Variants in CAPN3 observed in about 807,000 individuals in gnomAD.
CAPN3 encodes calpain 3, also known as calpain-3.
In CAPN3, 88 loss-of-function variants were observed where a neutral mutation model predicts 114.0. That is an observed-to-expected ratio of 0.77 (90% CI 0.65 to 0.92). The LOEUF is 0.92. Ranked by LOEUF, CAPN3 falls within the 40% of genes least tolerant of loss-of-function variation. CAPN3 has a pLI of 0.00. For missense variants in CAPN3, 1,028 were observed against 1,069.0 expected, an observed-to-expected ratio of 0.96 and a Z score of 0.53; for synonymous variants, 386 against 382.9, an observed-to-expected ratio of 1.01 and a Z score of -0.09.
At chr15:42,380,964 C>T (rs991197839) in intron 1 of CAPN3, among the ~76,000 whole-genome samples, 3 of 151,636 alleles carry the variant, frequency 2.0e-5, no homozygotes, top group East Asian at 3.9e-4. Flanking sequence ...TTCCAGTATA[C>T]GTTTTCAACC....
At chr15:42,364,029 T>C (rs115457669) in intron 1 of CAPN3, among the ~76,000 whole-genome samples, 2,534 of 152,306 alleles carry the variant, frequency 0.017, 72 homozygotes, top group African/African-American at 0.059. Flanking sequence ...CTTTATTGGC[T>C]CAAAACTCAT....
intron 6 of CAPN3, among the ~76,000 whole-genome samples, chr15:42,390,339 C>T (rs540443306): frequency 5.3e-5 from 8 of 152,210 alleles, no homozygotes; most frequent in Non-Finnish European, 1.0e-4. Flanking sequence ...CAGTTCCTCT[C>T]ATAACGAACT....
Position 42,399,569 on chromosome 15 carries a change from A to T in CAPN3, c.1271A>T (p.Asp424Val). The T allele has an allele frequency of 3.7e-6, 6 of 1,614,034 alleles. No homozygotes were observed. The highest frequency in any genetic ancestry group is 1.7e-4 in the Middle Eastern group (1 of 6,044). The change falls in exon 10 of 24, where the codon GAC (aspartate) becomes GTC (valine). Residue 424 changes from aspartate to valine, a missense_variant. Transcript: ENST00000397163. ...CTCACGGCCGATGCTCTGCAGTCTGACAAGCTTCAGACCTGGACAGTGTCT... is the reference window on the plus strand; with the variant it reads ...CTCACGGCCGATGCTCTGCAGTCTGTCAAGCTTCAGACCTGGACAGTGTCT... ...CNLTADALQSDKLQTWTVSVN... is the reference protein window; with the variant it reads ...CNLTADALQSVKLQTWTVSVN...
chr15:42,367,326 G>A (rs1381304721), intron 1 of CAPN3, among the ~76,000 whole-genome samples: 1 of 152,142 alleles, frequency 6.6e-6, no homozygotes, highest in Non-Finnish European at 1.5e-5. Flanking sequence ...GTGGGAGTGA[G>A]GAGGCTCTGC....
At chr15:42,398,356 G>A (rs991695228) in intron 9 of CAPN3, among the ~76,000 whole-genome samples, 12 of 151,886 alleles carry the variant, frequency 7.9e-5, no homozygotes, top group Non-Finnish European at 1.3e-4. Flanking sequence ...AGGCTGAGGC[G>A]GGCAGATCAC....
chr15:42,392,812 C>T (rs2053596561), intron 7 of CAPN3, 90 bp downstream of exon 7: 2 of 953,126 alleles, frequency 2.1e-6, no homozygotes, highest in Non-Finnish European at 3.3e-6. Context: ...CCTTCCCTGT[C>T]TGCAGAGCTT....
Position 42,409,372 on chromosome 15 carries a change from G to A in CAPN3, c.1984G>A (p.Ala662Thr). The change falls in exon 17 of 24, where the codon GCA becomes ACA. Residue 662 changes from alanine (A) to threonine (T), a missense_variant. Ala to Thr is a moderately conservative substitution (Grantham distance 58). Coordinates refer to ENST00000397163, the MANE Select transcript of CAPN3 (RefSeq NM_000070.3). Reference sequence around the variant, plus strand: ...ATTCCGGAACATTTTCAAGCAGATAGCAGGAGATGTGAGTACCTCCAAGCC... The same window carrying A: ...ATTCCGGAACATTTTCAAGCAGATAACAGGAGATGTGAGTACCTCCAAGCC... ...QQFRNIFKQI[A>T]GDDMEICADE... 1.9e-6 allele frequency: 3 copies of A among 1,614,128 alleles called. No homozygotes were observed. Among genetic ancestry groups the A allele is most frequent in the South Asian group, 1.1e-5 (1 of 91,076 alleles).
chr15:42,398,317 G>T (rs2053759038), intron 9 of CAPN3, among the ~76,000 whole-genome samples: 1 of 152,024 alleles, frequency 6.6e-6, no homozygotes. Context: ...GGGCGTGGTG[G>T]CTTATGCCTG....
Position 42,403,063 on chromosome 15 carries a change from T to C in CAPN3, c.1745+61T>C. 5.6e-6 allele frequency: 8 copies of C among 1,437,388 alleles called. No homozygotes were observed. The South Asian group carries it at 8.0e-5, about 14-fold the overall frequency. The allele number at this position is 1,437,388 out of a possible 1,614,324, so 89.0% of individuals were successfully genotyped here. On this transcript the variant is annotated intron_variant, in intron 13 of 23. Coordinates refer to ENST00000397163, the MANE Select transcript of CAPN3 (RefSeq NM_000070.3). ...AAGCTCACATGGCCCACTCCAGAGGTTGAAGGCATGAGGCAGCTAGACACG... is the reference window on the plus strand; with the variant it reads ...AAGCTCACATGGCCCACTCCAGAGGCTGAAGGCATGAGGCAGCTAGACACG...
At chr15:42,363,681 A>G (rs1469051918) in intron 1 of CAPN3, among the ~76,000 whole-genome samples, 1 of 152,234 alleles carries the variant, frequency 6.6e-6, no homozygotes, top group East Asian at 1.9e-4. Flanking sequence ...TGTGTGGTTA[A>G]CAGTAAAGAT....
At chr15:42,384,683 G>A (rs748303852) in intron 2 of CAPN3, 131 bp downstream of exon 2, 7 of 732,500 alleles carry the variant, frequency 9.6e-6, no homozygotes, top group Non-Finnish European at 1.7e-5. Flanking sequence ...TTTTATAACA[G>A]TTGCTTTATG....
chr15:42,401,926 C>T, intron 11 of CAPN3, 116 bp downstream of exon 11: 5 of 1,344,994 alleles, frequency 3.7e-6, no homozygotes, highest in Non-Finnish European at 5.2e-6. Flanking sequence ...CACAGAGCTC[C>T]TGGTATCAGG....
chr15:42,397,366 G>A (rs2141187551), intron 9 of CAPN3, among the ~76,000 whole-genome samples: 1 of 152,288 alleles, frequency 6.6e-6, no homozygotes. Context: ...CTTAAGCCGG[G>A]CGCGGTGGCT....
chr15:42,368,189 GA>G (rs1341465682), intron 1 of CAPN3, among the ~76,000 whole-genome samples: 1 of 152,198 alleles, frequency 6.6e-6, no homozygotes, highest in Admixed American at 6.5e-5. Context: ...ACAGAGCTGT[GA>G]AAAATCTGAG....
intron 1 of CAPN3, among the ~76,000 whole-genome samples, chr15:42,381,028 TAACAGAG>T (rs1196322688): frequency 6.6e-6 from 1 of 152,144 alleles, no homozygotes; most frequent in Non-Finnish European, 1.5e-5. Context: ...AGGTACTTTA[TAACAGAG>T]AACAAAGTAT....
At chr15:42,386,589 A>G (rs1193143486) in intron 3 of CAPN3, among the ~76,000 whole-genome samples, 5 of 152,110 alleles carry the variant, frequency 3.3e-5, no homozygotes, top group African/African-American at 7.2e-5. Context: ...GCCCTTCTCA[A>G]GTAGGTCCCT....
chr15:42,361,718 C>CAT (rs1799231625), intron 1 of CAPN3, among the ~76,000 whole-genome samples: 1 of 152,194 alleles, frequency 6.6e-6, no homozygotes, highest in Non-Finnish European at 1.5e-5. Flanking sequence ...TTAGCCAAGC[C>CAT]ATAGGCCCTT....
Position 42,409,350 on chromosome 15 carries a change from C to A in CAPN3, c.1962C>A (p.Phe654Leu). The change falls in exon 17 of 24, where the codon TTC becomes TTA. Residue 654 changes from phenylalanine (F) to leucine (L), a missense_variant. Phe to Leu is a conservative substitution (Grantham distance 22, BLOSUM62 0). Transcript: ENST00000397163. ...AGGAAAGTGAGGAACAGCAACAATT[C>A]CGGAACATTTTCAAGCAGATAGCAG... ...SDQESEEQQQ[F>L]RNIFKQIAGD... The A allele has an allele frequency of 6.2e-7, 1 of 1,614,194 alleles. No homozygotes were observed. The highest frequency in any genetic ancestry group is 8.5e-7 in the Non-Finnish European group (1 of 1,180,020).
intron 8 of CAPN3, among the ~76,000 whole-genome samples, chr15:42,395,212 G>A (rs2053658374): frequency 6.6e-6 from 1 of 152,172 alleles, no homozygotes. Flanking sequence ...TGAACCCATA[G>A]CCTCCCTTGA....
Sources: gnomAD v4.1 joint callset for allele counts (sites outside exome capture counted in the v4.1 genomes callset) on GRCh38, gnomAD v4.1.1 for gene constraint, MANE v1.5 for transcripts, NCBI Gene and HGNC (gene_info 2026-07-23, HGNC 2026-07-21) for gene names.